GALNT11: variants seen among roughly 807,000 people sequenced by gnomAD.
GALNT11 encodes polypeptide N-acetylgalactosaminyltransferase 11, also known as UDP-GalNAc:polypeptide N-acetylgalactosaminyltransferase 11.
In GALNT11, 47 loss-of-function variants were observed where a neutral mutation model predicts 72.7. That is an observed-to-expected ratio of 0.65 (90% CI 0.51 to 0.82). The LOEUF (loss-of-function observed/expected upper bound fraction) is 0.82. Among genes scored for constraint, GALNT11 ranks in the 40% least tolerant of loss-of-function variants. The pLI is 0.00. For synonymous variants in GALNT11, 270 were observed against 286.6 expected (o/e 0.94, Z 0.58); for missense variants, 677 against 778.4 (o/e 0.87, Z 1.55).
At chr7:152,040,635 G>T (rs1054890031) in intron 1 of GALNT11, among the ~76,000 whole-genome samples, 2 of 150,986 alleles carry the variant, frequency 1.3e-5, no homozygotes, top group African/African-American at 2.4e-5. Flanking sequence ...TTGCAATTGG[G>T]TAAATAAAGT....
At chr7:152,068,912 A>G (rs1333479606) in intron 1 of GALNT11, among the ~76,000 whole-genome samples, 1 of 152,118 alleles carries the variant, frequency 6.6e-6, no homozygotes, top group Non-Finnish European at 1.5e-5. Flanking sequence ...TCAGACAAGT[A>G]AAATGGGCTG....
chr7:152,087,880 A>T (rs990729202), intron 1 of GALNT11, among the ~76,000 whole-genome samples: 1 of 152,220 alleles, frequency 6.6e-6, no homozygotes, highest in African/African-American at 2.4e-5. Flanking sequence ...TTAACTTGGA[A>T]TACAGTTGAT....
chr7:152,068,544 T>G (rs1352271853), intron 1 of GALNT11, among the ~76,000 whole-genome samples: 1 of 152,216 alleles, frequency 6.6e-6, no homozygotes, highest in South Asian at 2.1e-4. Context: ...TTTCTTGCAT[T>G]TGTGGGCATA....
chr7:152,045,046 T>C (rs1208448691), intron 1 of GALNT11, among the ~76,000 whole-genome samples: 3 of 152,106 alleles, frequency 2.0e-5, no homozygotes, highest in Non-Finnish European at 4.4e-5. Flanking sequence ...AACGATCATA[T>C]GGTTTTTATC....
chr7:152,111,241 C>T (rs2088160630), intron 7 of GALNT11, among the ~76,000 whole-genome samples: 1 of 152,186 alleles, frequency 6.6e-6, no homozygotes, highest in Admixed American at 6.5e-5. Flanking sequence ...CAGCCTTGAA[C>T]TCCTGGGCTC....
At chr7:152,104,223 A>C (rs1284194722) in intron 4 of GALNT11, 2 of 152,260 alleles carry the variant, frequency 1.3e-5, no homozygotes, top group Non-Finnish European at 2.9e-5. Flanking sequence ...GTTAAGTAGT[A>C]GAGTGGAAAT....
In GALNT11 at chr7:152,121,080, A is replaced by G. The variant is rs547478345; in HGVS notation, c.1695+112A>G. 87 of 1,297,878 alleles carry G rather than the reference A, an allele frequency of 6.7e-5. No homozygotes were observed. In the African/African-American group the frequency reaches 1.2e-3, roughly 18 times the overall value. The allele number at this position is 1,297,878 out of a possible 1,614,324, so 80.4% of individuals were successfully genotyped here. A position where few individuals can be genotyped will look rare whatever the true frequency, so the allele number is the denominator to read the frequency against. Reference sequence around the variant, plus strand: ...CTTGGGGGTGGTCTTCTCAGTCTGCAGTACAGTGGTCCCCCCAGAAACCAC... The same window carrying G: ...CTTGGGGGTGGTCTTCTCAGTCTGCGGTACAGTGGTCCCCCCAGAAACCAC... On this transcript the variant is annotated intron_variant, in intron 11 of 11. Coordinates refer to ENST00000430044, the MANE Select transcript of GALNT11 (RefSeq NM_022087.4).
At chr7:152,036,557 C>CT (rs2082589772) in intron 1 of GALNT11, among the ~76,000 whole-genome samples, 2 of 152,180 alleles carry the variant, frequency 1.3e-5, no homozygotes, top group South Asian at 4.1e-4. Flanking sequence ...AAACATGAGA[C>CT]TGCAGACCTC....
At chr7:152,053,060 T>C (rs6947297) in intron 1 of GALNT11, among the ~76,000 whole-genome samples, 7,582 of 152,344 alleles carry the variant, frequency 0.05, 315 homozygotes, top group East Asian at 0.2. Flanking sequence ...TTCTAAATCA[T>C]GCTATGAGAG....
Position 152,121,572 on chromosome 7 carries a change from G to A in GALNT11, c.1722G>A (p.Ser574=), listed in dbSNP as rs773658407. 26 of 1,613,584 alleles carry A rather than the reference G, an allele frequency of 1.6e-5. No homozygotes were observed. The highest frequency in any genetic ancestry group is 1.4e-4 in the South Asian group (13 of 90,986). The change falls in exon 12 of 12, where the codon TCG becomes TCA. Residue 574 remains serine, a synonymous_variant. Transcript: ENST00000430044. ...FGKNNRLYQV[S]VGQCLRAVDP... ...AAAACAATCGGCTATACCAGGTGTC[G>A]GTTGGACAGTGCCTGAGAGCAGTGG...
chr7:152,110,401 A>G, intron 6 of GALNT11, 127 bp from the exon 7 acceptor site: 1 of 760,620 alleles, frequency 1.3e-6, no homozygotes. Flanking sequence ...ACTGGATAAA[A>G]TGATTCATAA....
intron 1 of GALNT11, among the ~76,000 whole-genome samples, chr7:152,081,243 G>A (rs1380818735): frequency 6.6e-6 from 1 of 152,198 alleles, no homozygotes; most frequent in Non-Finnish European, 1.5e-5. Flanking sequence ...TGACCTTTAT[G>A]TAATTTAACT....
rs376105658 is a variant in GALNT11, at chr7:152,094,399, C to A, written c.172C>A (p.Arg58Ser). Residue 58 changes from arginine (R) to serine (S), a missense_variant, in exon 2 of 12, where the codon CGT (arginine) becomes AGT (serine). Physicochemically the swap from Arg to Ser is moderately radical, Grantham distance 110 (BLOSUM62 -1). Coordinates refer to ENST00000430044, the MANE Select transcript of GALNT11 (RefSeq NM_022087.4). This position sits in a 1 kb window ranked among gnomAD's most constrained non-coding sequence, Gnocchi z 4.3. ...HGPSPKKFYP[R>S]FTRGPSRVLE... is the part of the protein sequence containing the mutation. ...ACCATCTCCAAAAAAATTCTATCCC[C>A]GTTTCACTCGAGGCCCAAGTCGAGT... The A allele has an allele frequency of 1.5e-5, 24 of 1,614,028 alleles. No individual in the cohort carries two copies. Among genetic ancestry groups the A allele is most frequent in the Non-Finnish European group, 2.0e-5 (24 of 1,180,054 alleles).
At chr7:152,117,125 G>A (rs748970351) in intron 8 of GALNT11, 32 bp from the exon 9 acceptor site, 8 of 1,560,212 alleles carry the variant, frequency 5.1e-6, no homozygotes, top group East Asian at 2.2e-5. Context: ...CAAAAAATTC[G>A]ATTTTCTTAT....
chr7:152,105,163 C>G (rs2087395736), intron 4 of GALNT11, 82 bp from the exon 5 acceptor site: 1 of 1,440,062 alleles, frequency 6.9e-7, no homozygotes, highest in Admixed American at 2.3e-5. Flanking sequence ...TTAGCAAGTA[C>G]TAGATACAAC....
At chr7:152,041,355 C>T (rs916384900) in intron 1 of GALNT11, among the ~76,000 whole-genome samples, 1 of 152,188 alleles carries the variant, frequency 6.6e-6, no homozygotes, top group African/African-American at 2.4e-5. Context: ...CCAAGTAAGA[C>T]TATTTATAAA....
intron 1 of GALNT11, among the ~76,000 whole-genome samples, chr7:152,031,135 G>A (rs990566732): frequency 2.0e-5 from 3 of 152,192 alleles, no homozygotes; most frequent in Non-Finnish European, 4.4e-5. Flanking sequence ...AGTGCCACTA[G>A]TTCTCCTGAC....
chr7:152,112,040 C>T (rs2088277851), intron 7 of GALNT11, among the ~76,000 whole-genome samples: 1 of 152,042 alleles, frequency 6.6e-6, no homozygotes, highest in African/African-American at 2.4e-5. Flanking sequence ...GTCTGTGGCT[C>T]AGAGGACCAT....
At chr7:152,113,943 T>G (rs1448390871) in intron 8 of GALNT11, among the ~76,000 whole-genome samples, 1 of 151,760 alleles carries the variant, frequency 6.6e-6, no homozygotes, top group African/African-American at 2.4e-5. Context: ...TTGTTTGTTT[T>G]TTTAGAGATG....
Sources: allele counts gnomAD v4.1 joint callset (sites outside exome capture counted in the v4.1 genomes callset), GRCh38; gene constraint gnomAD v4.1.1; non-coding constraint Gnocchi (gnomAD v3.1); transcripts MANE v1.5; gene names NCBI Gene and HGNC (gene_info 2026-07-23, HGNC 2026-07-21).